Variants in SPECC1L observed in about 807,000 individuals in gnomAD.
The protein encoded by SPECC1L is cytospin-A.
Under a neutral mutation model 116.8 loss-of-function variants are expected in SPECC1L, and 40 were observed. The ratio of observed to expected loss-of-function variants is 0.34; its 90% CI spans 0.27 to 0.45. The LOEUF is 0.45. Among genes scored for constraint, SPECC1L ranks in the 20% least tolerant of loss-of-function variants. The pLI is 1.00. For synonymous variants in SPECC1L, 504 were observed against 500.6 expected, an observed-to-expected ratio of 1.01 and a Z score of -0.09; for missense variants, 1,110 against 1,373.6, an observed-to-expected ratio of 0.81 and a Z score of 3.03.
At chr22:24,361,643 A>G (rs1329792087) in intron 11 of SPECC1L, among the ~76,000 whole-genome samples, 1 of 151,714 alleles carries the variant, frequency 6.6e-6, no homozygotes, top group African/African-American at 2.4e-5. Context: ...AAAAAATACA[A>G]AAATTAGTCA....
rs139536871 is a variant in SPECC1L, at chr22:24,399,701, C to T, written c.3088-11887C>T. Among the ~76,000 whole-genome samples, 7 of 152,158 alleles carry T rather than the reference C, an allele frequency of 4.6e-5. No individual in the cohort carries two copies. In the East Asian group the frequency reaches 5.8e-4, roughly 13 times the overall value. On this transcript the variant is annotated intron_variant, in intron 14 of 16. Coordinates refer to ENST00000314328, the MANE Select transcript of SPECC1L (RefSeq NM_015330.6). ...TTGCTACTTTGAGCATATGGGGCAACGTAGTTGTGGTTAAATATGGCTGCT... is the reference window on the plus strand; with the variant it reads ...TTGCTACTTTGAGCATATGGGGCAATGTAGTTGTGGTTAAATATGGCTGCT...
At chr22:24,326,520 GT>G (rs1215513189) in intron 6 of SPECC1L, among the ~76,000 whole-genome samples, 1 of 152,128 alleles carries the variant, frequency 6.6e-6, no homozygotes, top group Non-Finnish European at 1.5e-5. Flanking sequence ...TTGACTCTTC[GT>G]TTGCAGGTTG....
At position 24,321,890 on chromosome 22, in the gene SPECC1L, A is replaced by C; in HGVS notation, c.910A>C (p.Ser304Arg). 1 of 1,614,248 alleles carries C rather than the reference A, an allele frequency of 6.2e-7. No individual in the cohort carries two copies. Among genetic ancestry groups the C allele is most frequent in the Non-Finnish European group, 8.5e-7 (1 of 1,180,040 alleles). The change falls in exon 5 of 17, where the codon AGC becomes CGC. Residue 304 changes from serine to arginine, a missense_variant. Transcript: ENST00000314328. ...CCCAGAAATCACCCCTGGTAACCAG[A>C]GCGATGGAGGAGGAACTCTGACTTC... is the stretch of plus-strand genomic sequence containing the variant. ...LSPEITPGNQ[S>R]DGGGTLTSSV...
At chr22:24,389,569 G>T (rs1427638775) in intron 14 of SPECC1L, among the ~76,000 whole-genome samples, 1 of 151,010 alleles carries the variant, frequency 6.6e-6, no homozygotes, top group East Asian at 1.9e-4. Flanking sequence ...CTCTACTGCA[G>T]CCAGAAGTTT....
rs201728404 is a variant in SPECC1L at position 24,324,337 on chromosome 22, A to G, written c.2056A>G (p.Met686Val). 10 of 1,614,164 alleles carry G rather than the reference A, an allele frequency of 6.2e-6. No homozygotes were observed. In the East Asian group the frequency reaches 1.6e-4, roughly 25 times the overall value. The change falls in exon 6 of 17, where the codon ATG (methionine) becomes GTG (valine). Residue 686 changes from methionine to valine, a missense_variant. Physicochemically the swap from Met to Val is conservative, Grantham distance 21. Coordinates refer to ENST00000314328, the MANE Select transcript of SPECC1L (RefSeq NM_015330.6). ...TGAAAAAGAAACAGAAAGGAGTGAC[A>G]TGAAAGAAACCATCTTTGAACTTGA... ...LDEKETERSD[M>V]KETIFELEDE...
chr22:24,288,029 C>T lies in SPECC1L; in HGVS notation c.-38+11226C>T, dbSNP rs911792019. 3.4e-4 allele frequency among the ~76,000 whole-genome samples: 52 copies of T among 152,260 alleles called. 1 individual carries two copies. The highest frequency in any genetic ancestry group is 3.1e-3 in the Admixed American group (47 of 15,294). The stretch of plus-strand genomic sequence containing the variant: ...GCCCTTCCTGGAACTGTATCCTTTC[C>T]TGGGGAATATGGGTGGAAATCCAAG... On this transcript the variant is annotated intron_variant, in intron 2 of 16. Transcript: ENST00000314328.
At chr22:24,329,819 T>G (rs937865868) in intron 7 of SPECC1L, among the ~76,000 whole-genome samples, 3 of 152,190 alleles carry the variant, frequency 2.0e-5, no homozygotes, top group Non-Finnish European at 2.9e-5. Flanking sequence ...TTTTTTCCTG[T>G]TAGATTTTGA....
At chr22:24,403,234 CAT>C (rs1359433211) in intron 14 of SPECC1L, among the ~76,000 whole-genome samples, 2 of 152,074 alleles carry the variant, frequency 1.3e-5, no homozygotes, top group African/African-American at 2.4e-5. Context: ...TCTTCTGGCA[CAT>C]GTCATCTCTC....
chr22:24,276,590 A>G (rs1435400479), intron 1 of SPECC1L, 110 bp from the exon 2 acceptor site: 2 of 311,976 alleles, frequency 6.4e-6, no homozygotes, highest in Non-Finnish European at 1.3e-5. Flanking sequence ...CAGCATTGCA[A>G]GAGCCCAGTC....
chr22:24,275,328 T>G (rs2048816121), intron 1 of SPECC1L, among the ~76,000 whole-genome samples: 1 of 152,230 alleles, frequency 6.6e-6, no homozygotes, highest in African/African-American at 2.4e-5. Context: ...CACTTGACCC[T>G]GACAGCTGTG....
chr22:24,295,354 CAT>C (rs1336813048), intron 2 of SPECC1L, among the ~76,000 whole-genome samples: 1 of 149,318 alleles, frequency 6.7e-6, no homozygotes, highest in Admixed American at 6.6e-5. Context: ...AATTTTAATA[CAT>C]GTCAATAATT....
At position 24,414,705 on chromosome 22, in the gene SPECC1L, C is replaced by T; in HGVS notation, c.*82C>T. ...ACACCGACGCCATTAGCTACGCACC[C>T]CTGTAAAGCTTCCAGCAACTCTGGG... On this transcript the variant is annotated 3_prime_UTR_variant, in exon 17 of 17. Transcript: ENST00000314328. The T allele has an allele frequency of 8.2e-7, 1 of 1,223,558 alleles. No homozygotes were observed. The highest frequency in any genetic ancestry group is 1.2e-6 in the Non-Finnish European group (1 of 840,776). The allele number at this position is 1,223,558 out of a possible 1,614,324, so 75.8% of individuals were successfully genotyped here.
intron 4 of SPECC1L, among the ~76,000 whole-genome samples, chr22:24,316,804 A>G (rs1343092321): frequency 6.8e-6 from 1 of 146,598 alleles, no homozygotes; most frequent in African/African-American, 2.5e-5. Context: ...TACACCTCCC[A>G]GACGGGGTGG....
At chr22:24,334,695 A>G (rs2041014813) in intron 9 of SPECC1L, 122 bp downstream of exon 9, 1 of 1,046,218 alleles carries the variant, frequency 9.6e-7, no homozygotes, top group African/African-American at 1.6e-5. Context: ...TTCATATAGT[A>G]TTAATGCACT....
At chr22:24,281,145 A>G (rs1379801257) in intron 2 of SPECC1L, among the ~76,000 whole-genome samples, 2 of 152,204 alleles carry the variant, frequency 1.3e-5, no homozygotes, top group African/African-American at 2.4e-5. Context: ...GATGTTTTGT[A>G]TTTATATGTG....
intron 10 of SPECC1L, among the ~76,000 whole-genome samples, chr22:24,340,334 G>A (rs1054189027): frequency 1.3e-5 from 2 of 151,682 alleles, no homozygotes; most frequent in South Asian, 2.1e-4. Flanking sequence ...TTTTAGTAGA[G>A]ACGGTTTTAA....
chr22:24,398,520 A>T (rs1413529298), intron 14 of SPECC1L, among the ~76,000 whole-genome samples: 1 of 152,172 alleles, frequency 6.6e-6, no homozygotes, highest in Non-Finnish European at 1.5e-5. Flanking sequence ...ATTTCCAAGG[A>T]CTTATAATGG....
intron 1 of SPECC1L, among the ~76,000 whole-genome samples, chr22:24,275,552 C>CTTT (rs78661499): frequency 7.5e-5 from 10 of 133,228 alleles, no homozygotes; most frequent in African/African-American, 2.5e-4. Context: ...CACCTTTCAC[C>CTTT]TTTTTTTTTT....
At chr22:24,344,001 C>T (rs2041237218) in intron 10 of SPECC1L, among the ~76,000 whole-genome samples, 1 of 152,122 alleles carries the variant, frequency 6.6e-6, no homozygotes, top group South Asian at 2.1e-4. Context: ...ACTCCAGGCC[C>T]AGGTGGTTTT....
Sources: allele counts gnomAD v4.1 joint callset (sites outside exome capture counted in the v4.1 genomes callset), GRCh38; gene constraint gnomAD v4.1.1; transcripts MANE v1.5; gene names NCBI Gene and HGNC (gene_info 2026-07-23, HGNC 2026-07-21).